The following ST6GALNAC3 variants were observed in gnomAD, a reference collection of about 807,000 sequenced individuals.
ST6GALNAC3 encodes alpha-N-acetylgalactosaminide alpha-2,6-sialyltransferase 3.
In ST6GALNAC3, 25 loss-of-function variants were observed where a neutral mutation model predicts 32.7. The observed-to-expected ratio is 0.76, with a 90% confidence interval of 0.56 to 1.07. The LOEUF is 1.07. ST6GALNAC3 is among the 50% of genes least tolerant of loss of function. The probability of loss-of-function intolerance (pLI) is 0.00; values close to 1 mark genes in which losing one functional copy is unlikely to be tolerated. For missense variants in ST6GALNAC3, 355 were observed against 382.4 expected (o/e 0.93, Z 0.60); for synonymous variants, 129 against 133.1 (o/e 0.97, Z 0.21).
intron 1 of ST6GALNAC3, among the ~76,000 whole-genome samples, chr1:76,087,782 T>C (rs144751578): frequency 6.6e-6 from 1 of 152,230 alleles, no homozygotes; most frequent in Non-Finnish European, 1.5e-5. Flanking sequence ...ACTCAGATCA[T>C]ACATAGATAA....
intron 2 of ST6GALNAC3, among the ~76,000 whole-genome samples, chr1:76,352,875 C>T (rs1048310297): frequency 3.3e-5 from 5 of 152,072 alleles, no homozygotes; most frequent in African/African-American, 4.8e-5. Context: ...CTCTGTCTGC[C>T]TTCCTCCACA....
At chr1:76,597,000 G>A (rs189248226) in intron 3 of ST6GALNAC3, among the ~76,000 whole-genome samples, 1 of 152,232 alleles carries the variant, frequency 6.6e-6, no homozygotes, top group Admixed American at 6.5e-5. Context: ...AGATTTACTA[G>A]CATAAAAGAT....
intron 3 of ST6GALNAC3, among the ~76,000 whole-genome samples, chr1:76,468,753 T>C (rs1282194378): frequency 6.6e-6 from 1 of 152,064 alleles, no homozygotes; most frequent in African/African-American, 2.4e-5. Flanking sequence ...GATGGGCCAG[T>C]GTAATCATTA....
intron 3 of ST6GALNAC3, among the ~76,000 whole-genome samples, chr1:76,595,533 C>A (rs1023975639): frequency 2.0e-5 from 3 of 152,120 alleles, no homozygotes; most frequent in African/African-American, 7.2e-5. Flanking sequence ...ATCGATTGCA[C>A]ACTTAAAATG....
chr1:76,170,116 A>T (rs1652381342), intron 1 of ST6GALNAC3, among the ~76,000 whole-genome samples: 1 of 152,138 alleles, frequency 6.6e-6, no homozygotes, highest in Non-Finnish European at 1.5e-5. Flanking sequence ...GCCAACATTC[A>T]GCTCCCAACT....
In ST6GALNAC3 at chr1:76,112,942, CG is replaced by C. The variant is rs1399832765; in HGVS notation, c.18+38061del. ...CTCACTTCCCAGACGGGGTGGCGGC[CG>C]GGCAGAGGCTGCAATCTCGGCACTT... On this transcript the variant is annotated intron_variant, in intron 1 of 4. Transcript: ENST00000328299. Among the ~76,000 whole-genome samples the C allele has an allele frequency of 2.0e-5, 3 of 152,086 alleles. No individual in the cohort carries two copies. In the East Asian group the frequency reaches 5.9e-4, roughly 30 times the overall value.
chr1:76,221,295 C>T (rs778536830), intron 1 of ST6GALNAC3, among the ~76,000 whole-genome samples: 35 of 152,244 alleles, frequency 2.3e-4, no homozygotes, highest in African/African-American at 5.5e-4. Flanking sequence ...CATAAACTTA[C>T]GTTTTATGGA....
intron 1 of ST6GALNAC3, among the ~76,000 whole-genome samples, chr1:76,256,015 A>AACACACACACACACACACAC (rs10635688): frequency 2.4e-4 from 36 of 148,554 alleles, no homozygotes; most frequent in African/African-American, 8.5e-4. Flanking sequence ...TGTCAGTGGT[A>AACACACACACACACACACAC]ACACACACAC....
intron 1 of ST6GALNAC3, among the ~76,000 whole-genome samples, chr1:76,214,866 GA>G (rs774436100): frequency 2.0e-5 from 3 of 152,150 alleles, no homozygotes; most frequent in Non-Finnish European, 4.4e-5. Context: ...AAGAGAGCAT[GA>G]GACTTGAAAT....
intron 1 of ST6GALNAC3, among the ~76,000 whole-genome samples, chr1:76,166,073 T>C (rs1281374588): frequency 2.0e-5 from 3 of 152,222 alleles, no homozygotes; most frequent in Admixed American, 6.5e-5. Context: ...GTCTTCGTCA[T>C]GAAATCTTTC....
chr1:76,291,726 T>C (rs1660106731), intron 1 of ST6GALNAC3, among the ~76,000 whole-genome samples: 1 of 150,548 alleles, frequency 6.6e-6, no homozygotes, highest in Non-Finnish European at 1.5e-5. Flanking sequence ...AATTTGTTAT[T>C]TAATATAACT....
At chr1:76,438,856 T>C (rs541756784) in intron 3 of ST6GALNAC3, among the ~76,000 whole-genome samples, 1 of 152,250 alleles carries the variant, frequency 6.6e-6, no homozygotes, top group South Asian at 2.1e-4. Flanking sequence ...CTGGACAGGA[T>C]AGTTATTAAA....
intron 3 of ST6GALNAC3, among the ~76,000 whole-genome samples, chr1:76,589,216 C>A (rs565293857): frequency 2.2e-4 from 34 of 152,268 alleles, no homozygotes; most frequent in African/African-American, 7.2e-4. Context: ...ATGCCATTTG[C>A]AAATATCTCC....
intron 1 of ST6GALNAC3, among the ~76,000 whole-genome samples, chr1:76,111,124 G>A (rs1647900934): frequency 6.6e-6 from 1 of 152,174 alleles, no homozygotes; most frequent in South Asian, 2.1e-4. Context: ...AGTTTACTGT[G>A]TGTTTTGCTC....
chr1:76,428,156 CT>C (rs1655518980), intron 3 of ST6GALNAC3, among the ~76,000 whole-genome samples: 1 of 152,084 alleles, frequency 6.6e-6, no homozygotes, highest in South Asian at 2.1e-4. Flanking sequence ...TTCTCCCACT[CT>C]TCATCATCTT....
chr1:76,341,657 CTTT>C lies in ST6GALNAC3; in HGVS notation c.213+27659_213+27661del, dbSNP rs1212692683. Among the ~76,000 whole-genome samples, 12 of 144,752 alleles carry C rather than the reference CTTT, an allele frequency of 8.3e-5. No individual in the cohort carries two copies. In the South Asian group the frequency reaches 8.8e-4, roughly 11 times the overall value. 95.0% of individuals were successfully genotyped at this position (144,752 alleles called of 152,430 possible). ...TCTTTCTTTCTTTCTTTCTTTCTTT[CTTT>C]CTTTCTTTCTTTCTTTCTTTCCTTC... On this transcript the variant is annotated intron_variant, in intron 2 of 4. Coordinates refer to ENST00000328299, the MANE Select transcript of ST6GALNAC3 (RefSeq NM_152996.4).
At chr1:76,135,814 T>C (rs1649910822) in intron 1 of ST6GALNAC3, among the ~76,000 whole-genome samples, 2 of 152,186 alleles carry the variant, frequency 1.3e-5, no homozygotes, top group Non-Finnish European at 2.9e-5. Flanking sequence ...TTTCCACCCA[T>C]GCGGCTCTCC....
intron 1 of ST6GALNAC3, among the ~76,000 whole-genome samples, chr1:76,120,185 A>G (rs1648776326): frequency 6.6e-6 from 1 of 152,220 alleles, no homozygotes. Flanking sequence ...TAAGCTCGTC[A>G]CAGTTAAAGT....
At chr1:76,459,301 A>T (rs1407915900) in intron 3 of ST6GALNAC3, among the ~76,000 whole-genome samples, 2 of 152,208 alleles carry the variant, frequency 1.3e-5, no homozygotes, top group Non-Finnish European at 2.9e-5. Context: ...ATGGTGTCTC[A>T]CGCCTGTAAT....
Sources: allele counts gnomAD v4.1 joint callset (sites outside exome capture counted in the v4.1 genomes callset), GRCh38; gene constraint gnomAD v4.1.1; transcripts MANE v1.5; gene names NCBI Gene and HGNC (gene_info 2026-07-23, HGNC 2026-07-21).